The following ARID5B variants were observed in gnomAD, a reference collection of about 807,000 sequenced individuals.
ARID5B encodes the protein AT-rich interactive domain-containing protein 5B.
Under a neutral mutation model 97.2 loss-of-function variants are expected in ARID5B, and 13 were observed. The observed-to-expected ratio is 0.13, with a 90% CI of 0.09 to 0.21. The LOEUF is 0.21. Ranked by LOEUF, ARID5B falls within the 10% of genes least tolerant of loss-of-function variation. The pLI is 1.00. For missense variants in ARID5B, 1,210 were observed against 1,465.3 expected, an observed-to-expected ratio of 0.83 and a Z score of 2.84; for synonymous variants, 556 against 570.3, an observed-to-expected ratio of 0.97 and a Z score of 0.36.
Position 61,966,312 on chromosome 10 carries a change from A to G in ARID5B, c.502+25904A>G, listed in dbSNP as rs1838544738. Among the ~76,000 whole-genome samples, 4 of 152,088 alleles carry G rather than the reference A, an allele frequency of 2.6e-5. No homozygotes were observed. In the South Asian group the frequency reaches 8.3e-4, roughly 32 times the overall value. On this transcript the variant is annotated intron_variant, in intron 3 of 9. Transcript: ENST00000279873. ...AGGAGAGGCAGGGAGCACGTTTTAA[A>G]ATTAGTTTTTAAAAGCCAGCTCTGG...
intron 3 of ARID5B, among the ~76,000 whole-genome samples, chr10:61,964,500 A>G (rs1333427213): frequency 6.6e-6 from 1 of 152,196 alleles, no homozygotes; most frequent in Non-Finnish European, 1.5e-5. Context: ...GCACCAACTA[A>G]AAATAGTTTC....
intron 3 of ARID5B, among the ~76,000 whole-genome samples, chr10:61,993,120 T>TACACAC (rs35119824): frequency 2.4e-4 from 35 of 148,140 alleles, no homozygotes; most frequent in African/African-American, 8.2e-4. Context: ...GGAAGGGAGA[T>TACACAC]ACACACACAC....
intron 3 of ARID5B, among the ~76,000 whole-genome samples, chr10:61,978,501 G>A (rs1838732377): frequency 6.6e-6 from 1 of 152,196 alleles, no homozygotes; most frequent in African/African-American, 2.4e-5. Context: ...AGCATGGAAT[G>A]TTCTTCCATT....
chr10:62,070,039 CT>C (rs35045421), intron 8 of ARID5B, among the ~76,000 whole-genome samples: 9 of 145,912 alleles, frequency 6.2e-5, no homozygotes, highest in Admixed American at 2.0e-4. Context: ...CTGACAATGC[CT>C]TTTTTTTTTT....
At chr10:61,948,180 T>A (rs1838266709) in intron 3 of ARID5B, among the ~76,000 whole-genome samples, 1 of 152,066 alleles carries the variant, frequency 6.6e-6, no homozygotes, top group African/African-American at 2.4e-5. Context: ...GCAAAAGGAG[T>A]AATGGAGTAC....
chr10:61,957,545 A>AG (rs1298894501), intron 3 of ARID5B, among the ~76,000 whole-genome samples: 1 of 152,228 alleles, frequency 6.6e-6, no homozygotes, highest in African/African-American at 2.4e-5. Flanking sequence ...CTGGGATTAC[A>AG]GGCGCAAGCC....
rs2132795878 is a variant in ARID5B, at chr10:61,940,374, C to T, written c.468C>T (p.Asn156=). 2 of 1,613,974 alleles carry T rather than the reference C, an allele frequency of 1.2e-6. No individual in the cohort carries two copies. Among genetic ancestry groups the T allele is most frequent in the African/African-American group, 2.7e-5 (2 of 75,038 alleles). Residue 156 remains asparagine (N), a synonymous_variant, in exon 3 of 10, where the codon AAC becomes AAT. Coordinates refer to ENST00000279873, the MANE Select transcript of ARID5B (RefSeq NM_032199.3). ...YRQSTLNSGL[N]FKDVLKEKAD... is the part of the protein sequence containing the mutation. The stretch of plus-strand genomic sequence containing the variant: ...AGTCAACCCTAAACAGTGGACTCAA[C>T]TTCAAAGACGTTCTCAAGGAGAAGG...
chr10:61,931,410 C>A (rs1844207679), intron 2 of ARID5B, among the ~76,000 whole-genome samples: 1 of 151,966 alleles, frequency 6.6e-6, no homozygotes, highest in South Asian at 2.1e-4. Context: ...ACTTTTAGAA[C>A]AGAACATAGG....
chr10:61,930,721 A>AT (rs1363226424), intron 2 of ARID5B, among the ~76,000 whole-genome samples: 6 of 147,814 alleles, frequency 4.1e-5, no homozygotes, highest in Non-Finnish European at 7.4e-5. Context: ...CTCCGCCTCA[A>AT]AAAATAAATA....
At chr10:62,007,674 C>T (rs900390291) in intron 4 of ARID5B, among the ~76,000 whole-genome samples, 4 of 152,212 alleles carry the variant, frequency 2.6e-5, no homozygotes, top group Non-Finnish European at 5.9e-5. Context: ...CATACTGGTT[C>T]TGTAGTGGTT....
At chr10:62,042,829 G>A (rs191381689) in intron 4 of ARID5B, among the ~76,000 whole-genome samples, 1 of 151,268 alleles carries the variant, frequency 6.6e-6, no homozygotes, top group African/African-American at 2.4e-5. Flanking sequence ...GCAGGAGGAT[G>A]GTGTGAACCT....
chr10:62,019,840 A>G (rs1296208517), intron 4 of ARID5B, among the ~76,000 whole-genome samples: 1 of 152,190 alleles, frequency 6.6e-6, no homozygotes, highest in Admixed American at 6.5e-5. Context: ...GGTTTAATTC[A>G]GAGTGAAGAT....
At chr10:62,065,975 A>C (rs1839982324) in intron 7 of ARID5B, among the ~76,000 whole-genome samples, 1 of 152,140 alleles carries the variant, frequency 6.6e-6, no homozygotes, top group South Asian at 2.1e-4. Flanking sequence ...GAGAGAGTTG[A>C]TCAAACTAGC....
At chr10:62,051,101 T>A in intron 5 of ARID5B, 101 bp downstream of exon 5, 1 of 962,916 alleles carries the variant, frequency 1.0e-6, no homozygotes, top group Non-Finnish European at 1.6e-6. Flanking sequence ...AGTTTTCAAT[T>A]CAGCATCTGA....
Position 62,092,732 on chromosome 10 carries a change from G to T in ARID5B, c.3269G>T (p.Gly1090Val). The change falls in exon 10 of 10, where the codon GGC becomes GTC. Residue 1090 changes from glycine to valine, a missense_variant. Transcript: ENST00000279873. ...GLYSGSLCNS[G>V]LNSRLPAGYS... ...TATTCCGGGAGCCTGTGTAACTCGG[G>T]CCTCAACTCCAGGCTCCCGGCTGGG... 5 of 1,614,078 alleles carry T rather than the reference G, an allele frequency of 3.1e-6. No homozygotes were observed. Among genetic ancestry groups the T allele is most frequent in the Non-Finnish European group, 3.4e-6 (4 of 1,180,024 alleles).
chr10:61,944,000 C>T (rs1844460127), intron 3 of ARID5B, among the ~76,000 whole-genome samples: 1 of 152,026 alleles, frequency 6.6e-6, no homozygotes, highest in Non-Finnish European at 1.5e-5. Flanking sequence ...AACTACAGAT[C>T]TGGATAGTGG....
rs3834903 is a variant in ARID5B at position 61,902,703 on chromosome 10, ATG to A, written c.276+304_276+305del. The stretch of plus-strand genomic sequence containing the variant: ...TGTGTGTGTGTGTGTGTGTGTGTGT[ATG>A]TGTGTGTGTGTGTTCATTTGCTCTC... On this transcript the variant is annotated intron_variant, in intron 2 of 9. Transcript: ENST00000279873. 5.1e-3 allele frequency among the ~76,000 whole-genome samples: 582 copies of A among 113,362 alleles called. 5 individuals carry two copies. Among genetic ancestry groups the A allele is most frequent in the South Asian group, 0.028 (93 of 3,278 alleles). The allele number at this position is 113,362 out of a possible 152,430, so 74.4% of individuals were successfully genotyped here.
intron 3 of ARID5B, among the ~76,000 whole-genome samples, chr10:61,996,840 G>A (rs1218184879): frequency 6.6e-6 from 1 of 150,908 alleles, no homozygotes; most frequent in Admixed American, 6.6e-5. Flanking sequence ...TCTATGTACT[G>A]GGGGGTTAGG....
At chr10:62,004,653 A>G (rs548852001) in intron 4 of ARID5B, among the ~76,000 whole-genome samples, 12 of 152,322 alleles carry the variant, frequency 7.9e-5, no homozygotes, top group African/African-American at 2.9e-4. Context: ...GCATACTGTC[A>G]TTTATATTGT....
Sources: gnomAD v4.1 joint callset for allele counts (sites outside exome capture counted in the v4.1 genomes callset) on GRCh38, gnomAD v4.1.1 for gene constraint, MANE v1.5 for transcripts, NCBI Gene and HGNC (gene_info 2026-07-23, HGNC 2026-07-21) for gene names.